The following HNRNPUL1 variants were observed in gnomAD, a reference collection of about 807,000 sequenced individuals.
HNRNPUL1 encodes heterogeneous nuclear ribonucleoprotein U like 1.
Under a neutral mutation model 108.5 loss-of-function variants are expected in HNRNPUL1, and 14 were observed. The ratio of observed to expected loss-of-function variants is 0.13; its 90% CI spans 0.09 to 0.20. HNRNPUL1 has a LOEUF of 0.20. Among genes scored for constraint, HNRNPUL1 ranks in the 10% least tolerant of loss-of-function variants. The pLI, the probability that HNRNPUL1 is intolerant of heterozygous loss-of-function variation, is 1.00. For missense variants in HNRNPUL1, 804 were observed against 1,168.3 expected, an observed-to-expected ratio of 0.69 and a Z score of 4.55; for synonymous variants, 422 against 445.2, an observed-to-expected ratio of 0.95 and a Z score of 0.66.
At chr19:41,265,563 T>C (rs1486961580) in intron 1 of HNRNPUL1, among the ~76,000 whole-genome samples, 1 of 152,150 alleles carries the variant, frequency 6.6e-6, no homozygotes, top group Non-Finnish European at 1.5e-5. Flanking sequence ...TCTGGTTGGC[T>C]TCTAGAAGAG....
At chr19:41,285,906 C>T (rs559059315) in intron 7 of HNRNPUL1, among the ~76,000 whole-genome samples, 4 of 152,252 alleles carry the variant, frequency 2.6e-5, no homozygotes, top group East Asian at 3.9e-4. Flanking sequence ...CAGTGGCTCA[C>T]GCCTGTAATC....
chr19:41,276,152 T>C lies in HNRNPUL1; in HGVS notation c.647-7T>C, dbSNP rs778927016. 22 of 1,613,782 alleles carry C rather than the reference T, an allele frequency of 1.4e-5. No homozygotes were observed. The highest frequency in any genetic ancestry group is 4.0e-5 in the African/African-American group (3 of 74,870). On this transcript the variant is annotated splice_region_variant and splice_polypyrimidine_tract_variant and intron_variant, in intron 4 of 14. Coordinates refer to ENST00000392006, the MANE Select transcript of HNRNPUL1 (RefSeq NM_007040.6). ...CATCAGCCAACTGTGGGCATTTTCC[T>C]TCACAGATAACTGCGACCTCCACTT...
intron 7 of HNRNPUL1, among the ~76,000 whole-genome samples, chr19:41,289,606 T>C (rs1204447677): frequency 6.6e-6 from 1 of 151,846 alleles, no homozygotes; most frequent in Non-Finnish European, 1.5e-5. Flanking sequence ...GGTAGATGGG[T>C]TGGTTGAGGG....
chr19:41,286,880 C>T (rs569876637), intron 7 of HNRNPUL1, among the ~76,000 whole-genome samples: 23 of 151,744 alleles, frequency 1.5e-4, no homozygotes, highest in Non-Finnish European at 2.6e-4. Flanking sequence ...CCATGCCTGG[C>T]TCATTTTTGT....
Position 41,304,370 on chromosome 19 carries a change from G to A in HNRNPUL1, c.2262+109G>A, listed in dbSNP as rs879168207. On this transcript the variant is annotated intron_variant, in intron 13 of 14. Transcript: ENST00000392006. ...GAAATCAACACATGCCCCAGCTACT[G>A]GTCTTCACTCTAACCTCTAGCCTGC... 2.2e-5 allele frequency: 33 copies of A among 1,501,636 alleles called. No individual in the cohort carries two copies. In the South Asian group the frequency reaches 4.3e-4, roughly 20 times the overall value. The allele number at this position is 1,501,636 out of a possible 1,614,324, so 93.0% of individuals were successfully genotyped here. A position where few individuals can be genotyped will look rare whatever the true frequency, so the allele number is the denominator to read the frequency against.
At chr19:41,289,950 A>G (rs920008963) in intron 7 of HNRNPUL1, among the ~76,000 whole-genome samples, 1 of 152,000 alleles carries the variant, frequency 6.6e-6, no homozygotes, top group Non-Finnish European at 1.5e-5. Context: ...TGACCTCATG[A>G]TCTGCCCACC....
chr19:41,283,590 G>A (rs1177291044), intron 7 of HNRNPUL1, among the ~76,000 whole-genome samples: 1 of 152,144 alleles, frequency 6.6e-6, no homozygotes, highest in Non-Finnish European at 1.5e-5. Flanking sequence ...TGAGTAGCTG[G>A]GATTACAGGT....
chr19:41,279,959 C>T (rs2035808402), intron 6 of HNRNPUL1, among the ~76,000 whole-genome samples: 1 of 152,160 alleles, frequency 6.6e-6, no homozygotes, highest in South Asian at 2.1e-4. Context: ...TTGTAAATAA[C>T]TGCAGCTTTT....
intron 10 of HNRNPUL1, among the ~76,000 whole-genome samples, 153 bp from the exon 11 acceptor site, chr19:41,301,383 C>A (rs1485677037): frequency 1.3e-5 from 2 of 152,224 alleles, no homozygotes; most frequent in Admixed American, 6.5e-5. Context: ...ACTCAAGAAT[C>A]TTCTAAGTAA....
intron 6 of HNRNPUL1, among the ~76,000 whole-genome samples, chr19:41,280,309 A>G (rs1366693467): frequency 1.3e-5 from 2 of 152,132 alleles, no homozygotes; most frequent in Admixed American, 6.6e-5. Flanking sequence ...CTTGACCACT[A>G]TGCAATCTGT....
Position 41,294,534 on chromosome 19 carries a change from C to A in HNRNPUL1, c.1390-24C>A. On this transcript the variant is annotated intron_variant, in intron 9 of 14. Transcript: ENST00000392006. This position sits in a 1 kb window ranked among gnomAD's most constrained non-coding sequence, Gnocchi z 4.3. Reference sequence around the variant, plus strand: ...GCTGCCCTGCAACTAAAATCACTCACCCCTCACCAATTCCTGCCCGCAGGT... The same window carrying A: ...GCTGCCCTGCAACTAAAATCACTCAACCCTCACCAATTCCTGCCCGCAGGT... 6.2e-7 allele frequency: 1 copy of A among 1,614,008 alleles called. No individual in the cohort carries two copies. The highest frequency in any genetic ancestry group is 8.5e-7 in the Non-Finnish European group (1 of 1,179,866).
intron 2 of HNRNPUL1, among the ~76,000 whole-genome samples, chr19:41,270,290 A>T (rs10423128): frequency 0.017 from 2,566 of 151,900 alleles, 75 homozygotes; most frequent in African/African-American, 0.059. Context: ...GCCAAGTCCC[A>T]CCTACTCTGG....
chr19:41,279,710 G>A (rs1036451522), intron 6 of HNRNPUL1, among the ~76,000 whole-genome samples: 1 of 152,164 alleles, frequency 6.6e-6, no homozygotes, highest in Non-Finnish European at 1.5e-5. Context: ...GACACCTCCT[G>A]CCTTCCGTTT....
intron 13 of HNRNPUL1, 63 bp from the exon 14 acceptor site, chr19:41,305,613 A>G: frequency 6.2e-7 from 1 of 1,602,082 alleles, no homozygotes; most frequent in Non-Finnish European, 8.5e-7. Flanking sequence ...CCATCCCAGC[A>G]TTTCACATCT....
chr19:41,302,227 T>TC (rs1455279535), intron 11 of HNRNPUL1, among the ~76,000 whole-genome samples: 5 of 146,348 alleles, frequency 3.4e-5, no homozygotes, highest in Non-Finnish European at 6.0e-5. Flanking sequence ...TTTTTTTTTT[T>TC]TTTTTTTTGG....
chr19:41,279,223 C>G, intron 6 of HNRNPUL1, 47 bp downstream of exon 6: 1 of 1,338,286 alleles, frequency 7.5e-7, no homozygotes, highest in Non-Finnish European at 1.1e-6. Context: ...GTGACTGTCC[C>G]TACCCTTGGA....
chr19:41,305,653 G>T, intron 13 of HNRNPUL1, 23 bp from the exon 14 acceptor site: 1 of 1,613,878 alleles, frequency 6.2e-7, no homozygotes, highest in South Asian at 1.1e-5. Context: ...CAGAGCTTTG[G>T]CTTTTTTCCC....
At chr19:41,297,098 C>G (rs929946702) in intron 10 of HNRNPUL1, among the ~76,000 whole-genome samples, 1 of 152,172 alleles carries the variant, frequency 6.6e-6, no homozygotes, top group Non-Finnish European at 1.5e-5. Context: ...CCTGAGTAGC[C>G]TTTTGAGATG....
Position 41,274,149 on chromosome 19 carries a change from C to T in HNRNPUL1, c.646+94C>T, listed in dbSNP as rs948124020. 2.9e-6 allele frequency: 3 copies of T among 1,017,618 alleles called. No homozygotes were observed. The Admixed American group carries it at 5.2e-5, about 18-fold the overall frequency. 63.0% of individuals were successfully genotyped at this position (1,017,618 alleles called of 1,614,324 possible). ...CACCAGAATCCCTGCTGGGCACCGT[C>T]CAAAGACATTGTTAGTCCACATGTG... On this transcript the variant is annotated intron_variant, in intron 4 of 14. Transcript: ENST00000392006.
Sources: gnomAD v4.1 joint callset for allele counts (sites outside exome capture counted in the v4.1 genomes callset) on GRCh38, gnomAD v4.1.1 for gene constraint, Gnocchi (gnomAD v3.1) non-coding constraint, MANE v1.5 for transcripts, NCBI Gene and HGNC (gene_info 2026-07-23, HGNC 2026-07-21) for gene names.